The following LAMA2 variants were observed in gnomAD, a reference collection of about 807,000 sequenced individuals.
The protein encoded by LAMA2 is laminin subunit alpha 2.
A neutral mutation model predicts 364.8 loss-of-function variants in LAMA2; 269 were observed. That is an observed-to-expected ratio of 0.74 (90% CI 0.67 to 0.82). LAMA2 has a LOEUF of 0.82. Ranked by LOEUF, LAMA2 falls within the 40% of genes least tolerant of loss-of-function variation. The pLI is 0.00. For missense variants in LAMA2, 3,807 were observed against 3,873.2 expected, an observed-to-expected ratio of 0.98 and a Z score of 0.45; for synonymous variants, 1,379 against 1,370.6, an observed-to-expected ratio of 1.01 and a Z score of -0.14.
chr6:129,404,392 T>C (rs1230378237), intron 40 of LAMA2, among the ~76,000 whole-genome samples: 1 of 152,208 alleles, frequency 6.6e-6, no homozygotes, highest in Non-Finnish European at 1.5e-5. Flanking sequence ...GATCATATGC[T>C]TCTAAACAAT....
At chr6:129,444,727 G>A (rs57485011) in intron 44 of LAMA2, among the ~76,000 whole-genome samples, 3,570 of 152,228 alleles carry the variant, frequency 0.023, 136 homozygotes, top group African/African-American at 0.08. Context: ...TATGTCAGCC[G>A]CAAAGCAGAT....
chr6:129,361,732 G>A (rs891489975), intron 32 of LAMA2, among the ~76,000 whole-genome samples: 7 of 150,632 alleles, frequency 4.6e-5, no homozygotes, highest in African/African-American at 1.5e-4. Context: ...GGGAAGGGAA[G>A]TAGACTTCAC....
chr6:129,269,003 CT>C (rs1201748462), intron 16 of LAMA2, among the ~76,000 whole-genome samples: 2 of 152,108 alleles, frequency 1.3e-5, no homozygotes, highest in South Asian at 2.1e-4. Context: ...ATTTTAGCTT[CT>C]TGTTTATTTT....
At chr6:129,066,038 GTTTTTTTTTTTTTT>G (rs544271722) in intron 3 of LAMA2, among the ~76,000 whole-genome samples, 1 of 37,116 alleles carries the variant, frequency 2.7e-5, no homozygotes, top group African/African-American at 8.6e-5. Context: ...CCAGTCTCAG[GTTTTTTTTTTTTTT>G]TTTTTTTTTT....
At chr6:129,358,633 A>C (rs1777291789) in intron 32 of LAMA2, among the ~76,000 whole-genome samples, 1 of 151,998 alleles carries the variant, frequency 6.6e-6, no homozygotes, top group African/African-American at 2.4e-5. Flanking sequence ...CTAGCTTGCA[A>C]TTTGTGTGAC....
intron 2 of LAMA2, among the ~76,000 whole-genome samples, chr6:129,051,340 T>C (rs986536830): frequency 1.3e-5 from 2 of 149,562 alleles, no homozygotes; most frequent in Non-Finnish European, 3.0e-5. Context: ...TGAGGCAGAA[T>C]CTCACTCTGT....
intron 41 of LAMA2, among the ~76,000 whole-genome samples, chr6:129,434,448 A>T (rs1481425779): frequency 6.6e-6 from 1 of 152,176 alleles, no homozygotes; most frequent in African/African-American, 2.4e-5. Context: ...GGTGGATGTG[A>T]TCTTTAGAGA....
intron 12 of LAMA2, among the ~76,000 whole-genome samples, chr6:129,236,025 T>G (rs1483046901): frequency 6.6e-6 from 1 of 152,194 alleles, no homozygotes; most frequent in Non-Finnish European, 1.5e-5. Context: ...TCTTGAACAC[T>G]TCATTAAAGT....
intron 56 of LAMA2, among the ~76,000 whole-genome samples, chr6:129,491,460 T>C (rs79275002): frequency 0.014 from 2,173 of 152,350 alleles, 24 homozygotes; most frequent in Middle Eastern, 0.048. Flanking sequence ...GTGTTTGCTG[T>C]TGATTCCTGC....
chr6:129,379,233 A>G (rs935094300), intron 34 of LAMA2, among the ~76,000 whole-genome samples: 1 of 152,006 alleles, frequency 6.6e-6, no homozygotes, highest in Non-Finnish European at 1.5e-5. Flanking sequence ...GGATGAGAGG[A>G]TGGAGAGGAT....
intron 56 of LAMA2, among the ~76,000 whole-genome samples, chr6:129,487,770 G>C (rs1011411296): frequency 3.3e-5 from 5 of 152,202 alleles, no homozygotes; most frequent in African/African-American, 1.2e-4. Context: ...ATGCAGAATG[G>C]CTACTGAGAC....
intron 4 of LAMA2, among the ~76,000 whole-genome samples, chr6:129,129,792 C>T (rs1452972431): frequency 2.7e-5 from 4 of 150,200 alleles, no homozygotes; most frequent in East Asian, 3.9e-4. Flanking sequence ...GGCGTAGTGG[C>T]GGGCGCCTGT....
intron 40 of LAMA2, among the ~76,000 whole-genome samples, chr6:129,422,616 C>A (rs560632465): frequency 1.3e-5 from 2 of 152,188 alleles, no homozygotes; most frequent in East Asian, 3.9e-4. Context: ...ATAAAAAGGG[C>A]AAATTCTTTG....
At chr6:129,267,371 A>T in intron 16 of LAMA2, 152 bp downstream of exon 16, 1 of 711,792 alleles carries the variant, frequency 1.4e-6, no homozygotes, top group Non-Finnish European at 2.6e-6. Context: ...TGGAACTGAG[A>T]ATGCTCTTTC....
chr6:129,371,025 CAAAT>C (rs1778043102), intron 34 of LAMA2, among the ~76,000 whole-genome samples: 1 of 152,050 alleles, frequency 6.6e-6, no homozygotes, highest in Non-Finnish European at 1.5e-5. Context: ...AGTTTCTTGC[CAAAT>C]GTATGTAGAC....
At chr6:129,099,161 T>C (rs1433400549) in intron 4 of LAMA2, among the ~76,000 whole-genome samples, 1 of 146,622 alleles carries the variant, frequency 6.8e-6, no homozygotes, top group East Asian at 2.0e-4. Flanking sequence ...TAGTTGTGTG[T>C]TCTTGATCCA....
intron 1 of LAMA2, among the ~76,000 whole-genome samples, chr6:128,930,759 T>C (rs9492140): frequency 0.058 from 8,876 of 152,306 alleles, 765 homozygotes; most frequent in African/African-American, 0.19. Flanking sequence ...TATTAATCTT[T>C]CTGAAATAGA....
intron 3 of LAMA2, among the ~76,000 whole-genome samples, chr6:129,075,969 C>T (rs1773608398): frequency 6.6e-6 from 1 of 151,898 alleles, no homozygotes; most frequent in African/African-American, 2.4e-5. Context: ...CATAGTAGTC[C>T]CAGCTACTCA....
chr6:129,176,796 A>G (rs911831408), intron 9 of LAMA2, among the ~76,000 whole-genome samples: 16 of 152,054 alleles, frequency 1.1e-4, no homozygotes, highest in Admixed American at 3.3e-4. Flanking sequence ...TTTATTTGCA[A>G]TATTCCTGTT....
Sources: gnomAD v4.1 joint callset for allele counts (sites outside exome capture counted in the v4.1 genomes callset) on GRCh38, gnomAD v4.1.1 for gene constraint, MANE v1.5 for transcripts, NCBI Gene and HGNC (gene_info 2026-07-23, HGNC 2026-07-21) for gene names.